The following PPP1R12C variants were observed in gnomAD, a reference collection of about 807,000 sequenced individuals.
The protein encoded by PPP1R12C is leukocyte receptor cluster (LRC) encoded novel gene 3.
A neutral mutation model predicts 95.6 loss-of-function variants in PPP1R12C; 48 were observed. The observed-to-expected ratio is 0.50, with a 90% CI of 0.40 to 0.64. The LOEUF (loss-of-function observed/expected upper bound fraction) is 0.64. PPP1R12C is among the 30% of genes least tolerant of loss of function. PPP1R12C has a pLI of 0.00. For missense variants in PPP1R12C, 1,057 were observed against 1,083.3 expected, an observed-to-expected ratio of 0.98 and a Z score of 0.34; for synonymous variants, 480 against 460.8, an observed-to-expected ratio of 1.04 and a Z score of -0.53.
intron 6 of PPP1R12C, among the ~76,000 whole-genome samples, chr19:55,097,769 G>A (rs1009618108): frequency 3.9e-5 from 6 of 152,138 alleles, no homozygotes; most frequent in African/African-American, 1.4e-4. Flanking sequence ...TAGTACTCAC[G>A]TCTTCCAGAA....
At position 55,093,216 on chromosome 19, in the gene PPP1R12C, G is replaced by A; in HGVS notation, c.1701C>T (p.Asp567=). ...CTGCAGCCTTCTCTGCCTCCTTCAG[G>A]TCTGTAAGAGTCACACCCTGGCAGG... ...RRSTQGVTLT[D]LKEAEKAAGK... is the part of the protein sequence containing the mutation. Residue 567 remains aspartate, a synonymous_variant, in exon 14 of 22, where the codon GAC becomes GAT. Coordinates refer to ENST00000263433, the MANE Select transcript of PPP1R12C (RefSeq NM_017607.4). The A allele has an allele frequency of 1.2e-6, 2 of 1,613,288 alleles. No individual in the cohort carries two copies. Among genetic ancestry groups the A allele is most frequent in the Non-Finnish European group, 1.7e-6 (2 of 1,179,898 alleles).
At chr19:55,110,356 G>A (rs911030590) in intron 3 of PPP1R12C, among the ~76,000 whole-genome samples, 9 of 139,672 alleles carry the variant, frequency 6.4e-5, no homozygotes, top group African/African-American at 2.3e-4. Flanking sequence ...AGGTTGGTGC[G>A]GTGGGTGAGA....
chr19:55,112,516 G>C lies in PPP1R12C; in HGVS notation c.522C>G (p.Ala174=). Residue 174 remains alanine (A), a synonymous_variant, in exon 3 of 22, where the codon GCC becomes GCG. Coordinates refer to ENST00000263433, the MANE Select transcript of PPP1R12C (RefSeq NM_017607.4). ...NSDGDLPLDL[A]ESDAMEGLLK... Reference sequence around the variant, plus strand: ...GCAGCCCCTCCATGGCGTCCGACTCGGCCAGGTCCAGGGGCAGGTCCCCGT... The same window carrying C: ...GCAGCCCCTCCATGGCGTCCGACTCCGCCAGGTCCAGGGGCAGGTCCCCGT... 3 of 1,613,324 alleles carry C rather than the reference G, an allele frequency of 1.9e-6. No homozygotes were observed. Among genetic ancestry groups the C allele is most frequent in the African/African-American group, 1.3e-5 (1 of 74,982 alleles).
At chr19:55,101,787 C>A (rs1568813376) in intron 4 of PPP1R12C, among the ~76,000 whole-genome samples, 2 of 152,128 alleles carry the variant, frequency 1.3e-5, no homozygotes, top group African/African-American at 4.8e-5. Flanking sequence ...TGGGACTTGG[C>A]CAGACACTGA....
Position 55,092,765 on chromosome 19 carries a change from C to T in PPP1R12C, c.1911+18G>A. The T allele has an allele frequency of 6.5e-7, 1 of 1,547,554 alleles. No individual in the cohort carries two copies. Among genetic ancestry groups the T allele is most frequent in the African/African-American group, 1.4e-5 (1 of 73,096 alleles). On this transcript the variant is annotated intron_variant, in intron 16 of 21. Coordinates refer to ENST00000263433, the MANE Select transcript of PPP1R12C (RefSeq NM_017607.4). ...GGCCCACCCTCTGCACCAGCTCGGC[C>T]CCACCTGAGCCCCTCACCTCCGCAG...
intron 13 of PPP1R12C, 83 bp from the exon 14 acceptor site, chr19:55,093,316 G>A: frequency 1.8e-6 from 1 of 546,418 alleles, no homozygotes; most frequent in Admixed American, 3.9e-5. Flanking sequence ...CCAGGCCCCA[G>A]CCCCTCCTCC....
At chr19:55,106,117 C>T (rs918931885) in intron 3 of PPP1R12C, among the ~76,000 whole-genome samples, 6 of 152,174 alleles carry the variant, frequency 3.9e-5, no homozygotes, top group East Asian at 1.9e-4. Context: ...TCCCGCTCCA[C>T]AGCACTAGTG....
intron 1 of PPP1R12C, chr19:55,115,069 C>G (rs2085139325): frequency 6.6e-6 from 1 of 152,074 alleles, no homozygotes; most frequent in Admixed American, 6.5e-5. Context: ...AGAGCAGGGC[C>G]TTAGGGAAGC....
Position 55,093,234 on chromosome 19 carries a change from C to T in PPP1R12C, c.1684-1G>A. 6.2e-7 allele frequency: 1 copy of T among 1,612,612 alleles called. No individual in the cohort carries two copies. Reference sequence around the variant, plus strand: ...CCTTCAGGTCTGTAAGAGTCACACCCTGGCAGGGAAAGGGGACAGTCAGGG... The same window carrying T: ...CCTTCAGGTCTGTAAGAGTCACACCTTGGCAGGGAAAGGGGACAGTCAGGG... On this transcript the variant is annotated splice_acceptor_variant, in intron 13 of 21. Transcript: ENST00000263433. LOFTEE classifies it high-confidence loss of function.
chr19:55,108,401 G>T (rs1294021000), intron 3 of PPP1R12C, among the ~76,000 whole-genome samples: 1 of 151,934 alleles, frequency 6.6e-6, no homozygotes, highest in African/African-American at 2.4e-5. Context: ...GGCCAAGGTG[G>T]GTGGATCACT....
intron 3 of PPP1R12C, among the ~76,000 whole-genome samples, chr19:55,108,599 G>C (rs1481754774): frequency 6.6e-6 from 1 of 152,236 alleles, no homozygotes; most frequent in Non-Finnish European, 1.5e-5. Flanking sequence ...GTACCTCACA[G>C]ACGTGGAATC....
chr19:55,098,993 C>T lies in PPP1R12C; in HGVS notation c.834G>A (p.Leu278=), dbSNP rs1454791163. 2 of 1,559,684 alleles carry T rather than the reference C, an allele frequency of 1.3e-6. No individual in the cohort carries two copies. The highest frequency in any genetic ancestry group is 8.7e-7 in the Non-Finnish European group (1 of 1,152,028). ...CCATGCCCCCGCCATGCTCGGCCAG[C>T]AGGCGGCAGGCATCCTCCACGCCCC... ...AHWGVEDACR[L]LAEHGGGMDS... is the part of the protein sequence containing the mutation. The change falls in exon 5 of 22, where the codon CTG becomes CTA. Residue 278 remains leucine, a synonymous_variant. Transcript: ENST00000263433.
rs565848550 is a variant in PPP1R12C, at chr19:55,097,381, C to T, written c.952-1046G>A. Among the ~76,000 whole-genome samples, 36 of 138,484 alleles carry T rather than the reference C, an allele frequency of 2.6e-4. No individual in the cohort carries two copies. In the East Asian group the frequency reaches 6.9e-3, roughly 27 times the overall value. The allele number at this position is 138,484 out of a possible 152,430, so 90.9% of individuals were successfully genotyped here. On this transcript the variant is annotated intron_variant, in intron 6 of 21. Transcript: ENST00000263433. ...CCTTCCCCGCAGTTCACCGTCTTCA[C>T]CCCTTCCCTGCAGTTCACCACCGTC...
In PPP1R12C at chr19:55,099,073, C is replaced by G. The variant is rs773087357; in HGVS notation, c.754G>C (p.Asp252His). Residue 252 changes from aspartate (D) to histidine (H), a missense_variant, in exon 5 of 22, where the codon GAC becomes CAC. By Grantham distance (81) the Asp-to-His change is moderately conservative (BLOSUM62 -1). This residue lies in a region of PPP1R12C where 282 missense variants were observed against 380.4 expected (regional missense o/e 0.74). Transcript: ENST00000263433. ...CCGTCCCCGTCCCGGAGCTCTGGGT[C>G]GTAGCCAGCCTGAAGGAGCAACCTG... ...VMRLLLQAGY[D>H]PELRDGDGWT... 2.6e-6 allele frequency: 4 copies of G among 1,548,292 alleles called. No homozygotes were observed. Among genetic ancestry groups the G allele is most frequent in the African/African-American group, 1.4e-5 (1 of 73,408 alleles).
Position 55,117,548 on chromosome 19 carries a change from C to G in PPP1R12C, c.-5G>C. The G allele has an allele frequency of 1.0e-6, 1 of 997,066 alleles. No homozygotes were observed. Among genetic ancestry groups the G allele is most frequent in the Non-Finnish European group, 1.2e-6 (1 of 839,576 alleles). 61.8% of individuals were successfully genotyped at this position (997,066 alleles called of 1,614,324 possible). On this transcript the variant is annotated 5_prime_UTR_variant, in exon 1 of 22. Transcript: ENST00000263433. ...CGGGCCATCCTCTCCGGACATCGCA[C>G]CGCCCGCCCGCCCAGCGAGCGAGCG...
chr19:55,107,378 C>T (rs975072213), intron 3 of PPP1R12C, among the ~76,000 whole-genome samples: 7 of 152,140 alleles, frequency 4.6e-5, no homozygotes, highest in African/African-American at 1.7e-4. Context: ...CATGCCACTG[C>T]ACTCCAGCCT....
chr19:55,103,626 G>T (rs1404689288), intron 3 of PPP1R12C, 58 bp from the exon 4 acceptor site: 2 of 1,439,160 alleles, frequency 1.4e-6, no homozygotes, highest in Admixed American at 2.3e-5. Context: ...AATACCCAGG[G>T]TCATACACTG....
In PPP1R12C at chr19:55,098,811, C is replaced by T; in HGVS notation, c.924G>A (p.Leu308=). The T allele has an allele frequency of 2.5e-6, 4 of 1,613,570 alleles. No individual in the cohort carries two copies. Among genetic ancestry groups the T allele is most frequent in the Non-Finnish European group, 3.4e-6 (4 of 1,180,012 alleles). Residue 308 remains leucine, a synonymous_variant, in exon 6 of 22, where the codon TTG becomes TTA. Coordinates refer to ENST00000263433, the MANE Select transcript of PPP1R12C (RefSeq NM_017607.4). The stretch of plus-strand genomic sequence containing the variant: ...CCTCCTGTTTCCGGGCCAGTTCCTC[C>T]AACAGGCTCAGTACTTCCTCATCGG... ...DLADEEVLSL[L]EELARKQEDL... is the part of the protein sequence containing the mutation.
chr19:55,094,973 CAGA>C (rs1278313800), intron 11 of PPP1R12C, 175 bp from the exon 12 acceptor site: 1 of 796,798 alleles, frequency 1.3e-6, no homozygotes, highest in African/African-American at 1.7e-5. Context: ...CGCAACCGGT[CAGA>C]AGGATAAAGG....
Sources: allele counts gnomAD v4.1 joint callset (sites outside exome capture counted in the v4.1 genomes callset), GRCh38; gene constraint gnomAD v4.1.1; regional missense constraint gnomAD v4.1.1; transcripts MANE v1.5; gene names NCBI Gene and HGNC (gene_info 2026-07-23, HGNC 2026-07-21).